Variants in PRR5L observed in about 807,000 individuals in gnomAD.
The protein encoded by PRR5L is proline-rich protein 5-like.
In PRR5L, 21 loss-of-function variants were observed where a neutral mutation model predicts 36.4. The observed-to-expected ratio is 0.58, with a 90% CI of 0.41 to 0.83. PRR5L has a LOEUF of 0.83. Ranked by LOEUF, PRR5L falls within the 40% of genes least tolerant of loss-of-function variation. The pLI is 0.00. For synonymous variants in PRR5L, 188 were observed against 197.0 expected (o/e 0.95, Z 0.38); for missense variants, 381 against 473.3 (o/e 0.80, Z 1.81).
intron 1 of PRR5L, among the ~76,000 whole-genome samples, chr11:36,362,805 G>A (rs990701483): frequency 4.6e-5 from 7 of 152,010 alleles, no homozygotes; most frequent in Non-Finnish European, 1.0e-4. Context: ...TGTGAGTGGC[G>A]ACAGACAGGT....
chr11:36,316,121 G>C (rs1325606571), intron 1 of PRR5L, among the ~76,000 whole-genome samples: 1 of 152,150 alleles, frequency 6.6e-6, no homozygotes, highest in Non-Finnish European at 1.5e-5. Flanking sequence ...TTTTATGAAG[G>C]GCGAGATAGA....
intron 1 of PRR5L, among the ~76,000 whole-genome samples, chr11:36,326,734 A>T (rs1856666761): frequency 6.9e-6 from 1 of 145,492 alleles, no homozygotes; most frequent in Non-Finnish European, 1.5e-5. Context: ...GCTCCATTAG[A>T]TTGTTTCAGT....
chr11:36,384,660 CTTCTTTCTTTCT>C (rs138334033), intron 1 of PRR5L, among the ~76,000 whole-genome samples: 4 of 149,402 alleles, frequency 2.7e-5, no homozygotes, highest in South Asian at 2.1e-4. Flanking sequence ...CTTTTTCTCT[CTTCTTTCTTTCT>C]TTCTTTCTTT....
chr11:36,360,532 A>G (rs1469510030), intron 1 of PRR5L, among the ~76,000 whole-genome samples: 1 of 152,180 alleles, frequency 6.6e-6, no homozygotes, highest in East Asian at 1.9e-4. Flanking sequence ...CATTTGGAAC[A>G]CAAAGGGGTA....
intron 1 of PRR5L, chr11:36,393,766 T>C (rs999325483): frequency 1.3e-5 from 2 of 152,218 alleles, no homozygotes; most frequent in African/African-American, 4.8e-5. Flanking sequence ...CTGCTTTAGA[T>C]AGTATGGACA....
intron 1 of PRR5L, among the ~76,000 whole-genome samples, chr11:36,394,665 T>A (rs982309851): frequency 6.6e-6 from 1 of 152,224 alleles, no homozygotes; most frequent in Non-Finnish European, 1.5e-5. Context: ...TCTCTATGCG[T>A]GTCTGTGTCT....
At chr11:36,317,252 G>A (rs746428528) in intron 1 of PRR5L, among the ~76,000 whole-genome samples, 3 of 152,166 alleles carry the variant, frequency 2.0e-5, no homozygotes, top group South Asian at 2.1e-4. Context: ...ATGGATAAGC[G>A]TCTTAACACT....
At chr11:36,446,513 G>A (rs1267358280) in intron 7 of PRR5L, 73 bp downstream of exon 7, 14 of 1,578,862 alleles carry the variant, frequency 8.9e-6, no homozygotes, top group East Asian at 4.5e-5. Context: ...TCTGAGATGA[G>A]GGGGAAGGAA....
At chr11:36,395,825 G>A (rs1334529571) in intron 1 of PRR5L, among the ~76,000 whole-genome samples, 4 of 152,088 alleles carry the variant, frequency 2.6e-5, no homozygotes, top group African/African-American at 9.7e-5. Context: ...GGGCCCAAGC[G>A]ATCATCCTGC....
At chr11:36,306,620 G>A (rs541870447) in intron 1 of PRR5L, among the ~76,000 whole-genome samples, 109 of 152,208 alleles carry the variant, frequency 7.2e-4, no homozygotes, top group Non-Finnish European at 6.8e-4. Flanking sequence ...GAGTGAAAGG[G>A]GAGGTGCATT....
chr11:36,306,150 C>A (rs1306830426), intron 1 of PRR5L, among the ~76,000 whole-genome samples: 1 of 152,076 alleles, frequency 6.6e-6, no homozygotes, highest in Non-Finnish European at 1.5e-5. Context: ...GCACAACGCG[C>A]AGGTTTGATA....
rs556980267 is a variant in PRR5L, at chr11:36,376,263, A to T, written c.-125-24734A>T. On this transcript the variant is annotated intron_variant, in intron 1 of 8. Transcript: ENST00000530639. ...GTGAGTTGGGGGACATTGGAGAGACACTAAAGCTAGGTGCCCGGGACAGGA... is the reference window on the plus strand; with the variant it reads ...GTGAGTTGGGGGACATTGGAGAGACTCTAAAGCTAGGTGCCCGGGACAGGA... 598 of 1,200,794 alleles carry T rather than the reference A, an allele frequency of 5.0e-4. 5 individuals are homozygous for T. The African/African-American group carries it at 9.0e-3, about 18-fold the overall frequency. The allele number at this position is 1,200,794 out of a possible 1,614,324, so 74.4% of individuals were successfully genotyped here.
intron 1 of PRR5L, among the ~76,000 whole-genome samples, chr11:36,358,920 T>A (rs891216438): frequency 3.3e-5 from 5 of 152,172 alleles, no homozygotes; most frequent in Non-Finnish European, 5.9e-5. Flanking sequence ...CCTGGCTAGA[T>A]TTGGAGATGT....
chr11:36,323,523 C>T (rs1010008902), intron 1 of PRR5L: 1 of 152,244 alleles, frequency 6.6e-6, no homozygotes, highest in African/African-American at 2.4e-5. Flanking sequence ...TTTAAGATGA[C>T]TCCTGTGGGC....
At chr11:36,391,927 T>A (rs1234941772) in intron 1 of PRR5L, among the ~76,000 whole-genome samples, 1 of 152,230 alleles carries the variant, frequency 6.6e-6, no homozygotes, top group Non-Finnish European at 1.5e-5. Flanking sequence ...TACCTAACTA[T>A]ATTTTTTTAC....
intron 1 of PRR5L, among the ~76,000 whole-genome samples, chr11:36,387,597 C>T (rs1857481394): frequency 6.6e-6 from 1 of 152,098 alleles, no homozygotes; most frequent in Non-Finnish European, 1.5e-5. Context: ...GTGTATGGCT[C>T]CCAGGGTAGG....
intron 1 of PRR5L, 90 bp from the exon 2 acceptor site, chr11:36,400,907 G>C (rs1857778127): frequency 1.9e-6 from 2 of 1,055,334 alleles, no homozygotes; most frequent in South Asian, 4.6e-5. Flanking sequence ...GTTGTTTTCG[G>C]GGTAGTTAGG....
intron 1 of PRR5L, among the ~76,000 whole-genome samples, chr11:36,322,749 A>G (rs571788686): frequency 3.3e-5 from 5 of 152,274 alleles, no homozygotes; most frequent in African/African-American, 1.2e-4. Context: ...TGTGGATTGG[A>G]TTGTTACCCA....
intron 1 of PRR5L, among the ~76,000 whole-genome samples, chr11:36,369,455 T>C (rs895729827): frequency 1.2e-4 from 18 of 152,168 alleles, no homozygotes; most frequent in African/African-American, 3.9e-4. Flanking sequence ...GACAATCCAC[T>C]GCCCCATTCT....
Sources: gnomAD v4.1 joint callset for allele counts (sites outside exome capture counted in the v4.1 genomes callset) on GRCh38, gnomAD v4.1.1 for gene constraint, MANE v1.5 for transcripts, NCBI Gene and HGNC (gene_info 2026-07-23, HGNC 2026-07-21) for gene names.